RNF216: variants seen among roughly 807,000 people sequenced by gnomAD.
RNF216 encodes E3 ubiquitin-protein ligase RNF216.
Under a neutral mutation model 110.8 loss-of-function variants are expected in RNF216, and 72 were observed. The observed-to-expected ratio is 0.65, with a 90% confidence interval of 0.54 to 0.79. RNF216 has a LOEUF of 0.79. Ranked by LOEUF, RNF216 falls within the 30% of genes least tolerant of loss-of-function variation. RNF216 has a pLI of 0.00. For missense variants in RNF216, 1,342 were observed against 1,141.2 expected, an observed-to-expected ratio of 1.18 and a Z score of -2.54; for synonymous variants, 495 against 407.5, an observed-to-expected ratio of 1.21 and a Z score of -2.59.
rs1786492862 is a variant in RNF216 at position 5,623,125 on chromosome 7, T to A, written c.2507A>T (p.Gln836Leu). 1 of 1,599,582 alleles carries A rather than the reference T, an allele frequency of 6.3e-7. No individual in the cohort carries two copies. The highest frequency in any genetic ancestry group is 8.6e-7 in the Non-Finnish European group (1 of 1,169,014). The part of the protein sequence containing the change: ...PPLEKPVEKV[Q>L]RVEALPRPVP... ...GGGCCTCGGGAGGGCCTCCACCCTC[T>A]GCACCTTCTCCACAGGCTTCTCCAG... is the stretch of plus-strand genomic sequence containing the variant. Residue 836 changes from glutamine (Q) to leucine (L), a missense_variant, in exon 17 of 17, where the codon CAG becomes CTG. By Grantham distance (113) the Gln-to-Leu change is moderately radical. Transcript: ENST00000389902.
At chr7:5,760,852 GATA>G in intron 2 of RNF216, 148 bp downstream of exon 2, 1 of 648,654 alleles carries the variant, frequency 1.5e-6, no homozygotes. Flanking sequence ...ATCATTATCT[GATA>G]TAATTCTAGT....
chr7:5,691,725 A>G (rs1791353078), intron 13 of RNF216, among the ~76,000 whole-genome samples: 1 of 152,380 alleles, frequency 6.6e-6, no homozygotes, highest in Admixed American at 6.5e-5. Flanking sequence ...GGAGTCCATC[A>G]GTACTAACTC....
chr7:5,737,403 C>T (rs1431829266), intron 5 of RNF216, among the ~76,000 whole-genome samples: 1 of 152,124 alleles, frequency 6.6e-6, no homozygotes, highest in Non-Finnish European at 1.5e-5. Context: ...CCAGGGTCCT[C>T]TGCCTAGGAA....
chr7:5,624,064 TTTC>T lies in RNF216; in HGVS notation c.2441_2443del (p.Arg814del). On this transcript the variant is annotated inframe_deletion, in exon 16 of 17. Transcript: ENST00000389902. The surrounding 1 kb of genome is among the most constrained non-coding windows in gnomAD (Gnocchi z 4.4). ...TGGGGAGGGGCACTTGCCTCCATTC[TTTC>T]TTTTCTGTTCCTCTTCAGCCTCCTT... The T allele has an allele frequency of 6.2e-7, 1 of 1,613,706 alleles. No homozygotes were observed. The highest frequency in any genetic ancestry group is 8.5e-7 in the Non-Finnish European group (1 of 1,179,924).
At chr7:5,722,239 A>G (rs929806463) in intron 8 of RNF216, among the ~76,000 whole-genome samples, 1 of 152,224 alleles carries the variant, frequency 6.6e-6, no homozygotes, top group East Asian at 1.9e-4. Context: ...ATGTTTTTCT[A>G]GAAAACTTTA....
chr7:5,630,925 A>AC (rs780263734), intron 15 of RNF216, among the ~76,000 whole-genome samples: 74 of 152,062 alleles, frequency 4.9e-4, no homozygotes, highest in African/African-American at 1.4e-3. Context: ...TAACCACATA[A>AC]CCCCTCAGGT....
At position 5,624,803 on chromosome 7, in the gene RNF216, G is replaced by T. The variant is rs1056832386; in HGVS notation, c.2383-678C>A. Among the ~76,000 whole-genome samples the T allele has an allele frequency of 6.6e-6, 1 of 152,260 alleles. No homozygotes were observed. The highest frequency in any genetic ancestry group is 1.5e-5 in the Non-Finnish European group (1 of 68,048). ...AGAGGCACTGTGAGTGCAGGCAGAT[G>T]TGGGAGCTGTGCTGGGAAACTCAGG... is the stretch of plus-strand genomic sequence containing the variant. On this transcript the variant is annotated intron_variant, in intron 15 of 16. Coordinates refer to ENST00000389902, the MANE Select transcript of RNF216 (RefSeq NM_207111.4). This position sits in a 1 kb window ranked among gnomAD's most constrained non-coding sequence, Gnocchi z 4.4.
chr7:5,635,654 G>A (rs767500481), intron 15 of RNF216, among the ~76,000 whole-genome samples: 2 of 152,140 alleles, frequency 1.3e-5, no homozygotes, highest in East Asian at 1.9e-4. Context: ...TGGCCTGAGG[G>A]GAGAAGGCAG....
Position 5,652,402 on chromosome 7 carries a change from CTG to C in RNF216, c.2159+9_2159+10del. The C allele has an allele frequency of 1.9e-6, 3 of 1,585,904 alleles. No homozygotes were observed. The highest frequency in any genetic ancestry group is 2.6e-6 in the Non-Finnish European group (3 of 1,154,438). The stretch of plus-strand genomic sequence containing the variant: ...AATCAGCCCATAGCCCCTCTGAATT[CTG>C]TTACTCACATAGAGGTACGGTACTT... On this transcript the variant is annotated intron_variant, in intron 14 of 16. Transcript: ENST00000389902.
chr7:5,765,517 C>T (rs961782440), intron 1 of RNF216, among the ~76,000 whole-genome samples: 9 of 151,996 alleles, frequency 5.9e-5, no homozygotes, highest in African/African-American at 2.2e-4. Flanking sequence ...GTAGTCCCAG[C>T]TACTCAGGAA....
At chr7:5,732,219 G>C (rs1050277175) in intron 5 of RNF216, among the ~76,000 whole-genome samples, 3 of 152,158 alleles carry the variant, frequency 2.0e-5, no homozygotes, top group Non-Finnish European at 4.4e-5. Flanking sequence ...TGTGCACTGA[G>C]GTTATGCAAA....
chr7:5,623,922 T>C (rs1584325533), intron 16 of RNF216, 134 bp downstream of exon 16: 1 of 701,004 alleles, frequency 1.4e-6, no homozygotes, highest in East Asian at 2.7e-5. Flanking sequence ...TGAAGTCAGG[T>C]CTATAGCCAC....
intron 13 of RNF216, among the ~76,000 whole-genome samples, chr7:5,700,582 G>A (rs572170396): frequency 6.6e-6 from 1 of 152,278 alleles, no homozygotes; most frequent in East Asian, 1.9e-4. Context: ...GCTGTGACAA[G>A]CCTGAGAAGC....
At chr7:5,695,465 G>A (rs1248820700) in intron 13 of RNF216, among the ~76,000 whole-genome samples, 1 of 152,222 alleles carries the variant, frequency 6.6e-6, no homozygotes, top group Non-Finnish European at 1.5e-5. Flanking sequence ...CCCGGACTAA[G>A]CAAGGCTGTT....
At chr7:5,773,331 C>T (rs560265071) in intron 1 of RNF216, among the ~76,000 whole-genome samples, 2 of 151,844 alleles carry the variant, frequency 1.3e-5, no homozygotes, top group Admixed American at 1.3e-4. Context: ...CAACCTCCAC[C>T]TCCTGGGTTC....
Position 5,624,883 on chromosome 7 carries a change from C to A in RNF216, c.2383-758G>T, listed in dbSNP as rs529851702. 9.6e-4 allele frequency among the ~76,000 whole-genome samples: 147 copies of A among 152,344 alleles called. No individual in the cohort carries two copies. Among genetic ancestry groups the A allele is most frequent in the African/African-American group, 3.4e-3 (141 of 41,592 alleles). On this transcript the variant is annotated intron_variant, in intron 15 of 16. Transcript: ENST00000389902. This position sits in a 1 kb window ranked among gnomAD's most constrained non-coding sequence, Gnocchi z 4.4. ...GTTTTTGCCACATGCAGCTCCCACA[C>A]CCCCACCTGCCAGCAGACACCATGG...
At chr7:5,722,642 G>A (rs1173092205) in intron 8 of RNF216, among the ~76,000 whole-genome samples, 1 of 151,746 alleles carries the variant, frequency 6.6e-6, no homozygotes, top group African/African-American at 2.4e-5. Flanking sequence ...CGCCTGCCTC[G>A]GCCTCCCAAA....
intron 13 of RNF216, among the ~76,000 whole-genome samples, chr7:5,681,859 A>G (rs1292998500): frequency 6.6e-6 from 1 of 152,224 alleles, no homozygotes; most frequent in Admixed American, 6.5e-5. Context: ...AAAAGGCCAA[A>G]TTCAAAAGCA....
chr7:5,703,213 C>G (rs1792080111), intron 13 of RNF216, among the ~76,000 whole-genome samples: 1 of 152,182 alleles, frequency 6.6e-6, no homozygotes, highest in South Asian at 2.1e-4. Flanking sequence ...TTTTGTTACC[C>G]AGCTATTTGG....
Sources: allele counts gnomAD v4.1 joint callset (sites outside exome capture counted in the v4.1 genomes callset), GRCh38; gene constraint gnomAD v4.1.1; non-coding constraint Gnocchi (gnomAD v3.1); transcripts MANE v1.5; gene names NCBI Gene and HGNC (gene_info 2026-07-23, HGNC 2026-07-21).